OR6K3: variants seen among roughly 807,000 people sequenced by gnomAD.
The protein encoded by OR6K3 is olfactory receptor family 6 subfamily K member 3, also known as olfactory receptor 6K3.
For synonymous variants in OR6K3, 169 were observed against 137.7 expected (o/e 1.23, Z -1.59); for missense variants, 396 against 382.5 (o/e 1.04, Z -0.29).
At position 158,717,434 on chromosome 1, in the gene OR6K3, G is replaced by A. The variant is rs857703; in HGVS notation, c.682C>T (p.Pro228Ser). ...GCCTTTTGCCTCCCTTCAGAAGAGG[G>A]AATCCTCAATATCACAGTGACAATT... is the stretch of plus-strand genomic sequence containing the variant. ...VRIVTVILRI[P>S]SSEGRQKAFS... Residue 228 changes from proline (P) to serine (S), a missense_variant, in exon 2 of 2, where the codon CCC (proline) becomes TCC (serine). By Grantham distance (74) the Pro-to-Ser change is moderately conservative (BLOSUM62 -1). Coordinates refer to ENST00000368145, the MANE Select transcript of OR6K3 (RefSeq NM_001005327.3). 0.37 allele frequency: 589,192 copies of A among 1,613,112 alleles called. 112,162 individuals carry two copies. Among genetic ancestry groups the A allele is most frequent in the East Asian group, 0.41 (18,200 of 44,810 alleles).
Position 158,717,944 on chromosome 1 carries a change from G to A in OR6K3, c.172C>T (p.Pro58Ser), listed in dbSNP as rs767829882. The change falls in exon 2 of 2, where the codon CCC becomes TCC. Residue 58 changes from proline (P) to serine (S), a missense_variant. Coordinates refer to ENST00000368145, the MANE Select transcript of OR6K3 (RefSeq NM_001005327.3). ...AVRLDTHLHNPMYNFISIFSF... is the reference protein window; with the variant it reads ...AVRLDTHLHNSMYNFISIFSF... ...AATATACTGATAAAATTATACATGGGGTTGTGGAGATGGGTGTCCAGCCTT... is the reference window on the plus strand; with the variant it reads ...AATATACTGATAAAATTATACATGGAGTTGTGGAGATGGGTGTCCAGCCTT... The A allele has an allele frequency of 3.1e-6, 5 of 1,613,594 alleles. No individual in the cohort carries two copies. Among genetic ancestry groups the A allele is most frequent in the South Asian group, 1.1e-5 (1 of 91,050 alleles).
At chr1:158,724,134 C>T (rs1262831225), upstream of OR6K3, 1 of 152,530 alleles carries the variant, frequency 6.6e-6, no homozygotes, top group Non-Finnish European at 1.5e-5. Context: ...ATAAATTAAC[C>T]ATCTTCTGAG....
chr1:158,724,635 A>G, upstream of OR6K3: 1 of 236,738 alleles, frequency 4.2e-6, no homozygotes, highest in South Asian at 7.3e-5. Flanking sequence ...CAGAGAGCTG[A>G]ACACAGAGCC....
rs891349680 is a variant in OR6K3 at position 158,718,882 on chromosome 1, A to G, written c.-17-750T>C. On this transcript the variant is annotated intron_variant, in intron 1 of 1. Coordinates refer to ENST00000368145, the MANE Select transcript of OR6K3 (RefSeq NM_001005327.3). ...GCTGTAGGATTTAGTAAATACTTGC[A>G]GAAAGATTTGGACAGTGTTTAATAG... 3.4e-4 allele frequency among the ~76,000 whole-genome samples: 52 copies of G among 152,186 alleles called. 1 individual carries two copies. Among genetic ancestry groups the G allele is most frequent in the Admixed American group, 3.3e-3 (50 of 15,260 alleles).
chr1:158,717,015 G>A lies in OR6K3; in HGVS notation c.*153C>T, dbSNP rs548130188. 145 of 631,558 alleles carry A rather than the reference G, an allele frequency of 2.3e-4. No individual in the cohort carries two copies. Among genetic ancestry groups the A allele is most frequent in the East Asian group, 4.6e-4 (17 of 36,844 alleles). 39.1% of individuals were successfully genotyped at this position (631,558 alleles called of 1,614,324 possible). On this transcript the variant is annotated 3_prime_UTR_variant, in exon 2 of 2. Coordinates refer to ENST00000368145, the MANE Select transcript of OR6K3 (RefSeq NM_001005327.3). Reference sequence around the variant, plus strand: ...TGCCTGTAATCGCGGCTACTAGGGAGGCTGAGGCAGGAGAATTGTTCAAAA... The same window carrying A: ...TGCCTGTAATCGCGGCTACTAGGGAAGCTGAGGCAGGAGAATTGTTCAAAA...
In OR6K3 at chr1:158,717,926, T is replaced by A; in HGVS notation, c.190A>T (p.Ser64Cys). The change falls in exon 2 of 2, where the codon AGT becomes TGT. Residue 64 changes from serine to cysteine, a missense_variant. Coordinates refer to ENST00000368145, the MANE Select transcript of OR6K3 (RefSeq NM_001005327.3). The stretch of plus-strand genomic sequence containing the variant: ...CAGATCTCCAGAAAGGAAAATATAC[T>A]GATAAAATTATACATGGGGTTGTGG... ...HLHNPMYNFI[S>C]IFSFLEIWYT... The A allele has an allele frequency of 6.2e-7, 1 of 1,613,756 alleles. No homozygotes were observed. The highest frequency in any genetic ancestry group is 1.1e-5 in the South Asian group (1 of 91,068).
In OR6K3 at chr1:158,718,107, G is replaced by T; in HGVS notation, c.9C>A (p.Ser3Arg). Residue 3 changes from serine (S) to arginine (R), a missense_variant, in exon 2 of 2, where the codon AGC becomes AGA. By Grantham distance (110) the Ser-to-Arg change is moderately radical. Transcript: ENST00000368145. The part of the protein sequence containing the change: ME[S>R]GNQSTVTEFI... Reference sequence around the variant, plus strand: ...ATTCAGTCACTGTTGATTGGTTTCCGCTCTCCATATTTCTAGTAGAGCTAC... The same window carrying T: ...ATTCAGTCACTGTTGATTGGTTTCCTCTCTCCATATTTCTAGTAGAGCTAC... The T allele has an allele frequency of 6.2e-7, 1 of 1,604,338 alleles. No individual in the cohort carries two copies. Among genetic ancestry groups the T allele is most frequent in the East Asian group, 2.2e-5 (1 of 44,640 alleles).
chr1:158,720,537 C>G (rs1052626386), intron 1 of OR6K3, 146 bp downstream of exon 1: 1 of 151,980 alleles, frequency 6.6e-6, no homozygotes, highest in Admixed American at 6.6e-5. Flanking sequence ...AGAGCTTCCT[C>G]CTGTAAATAC....
chr1:158,718,268 G>A, intron 1 of OR6K3, 136 bp from the exon 2 acceptor site: 1 of 556,190 alleles, frequency 1.8e-6, no homozygotes, highest in South Asian at 2.8e-5. Context: ...TTAAACTCAT[G>A]TACATATTGT....
chr1:158,722,362 TAGTAGCCTCA>T (rs1230874387), upstream of OR6K3, among the ~76,000 whole-genome samples: 1 of 152,050 alleles, frequency 6.6e-6, no homozygotes, highest in Non-Finnish European at 1.5e-5. Context: ...TGTTTTGTTT[TAGTAGCCTCA>T]GTTTACCTGG....
rs1360186107 is a variant in OR6K3 at position 158,717,022 on chromosome 1, G to A, written c.*146C>T. ...AATCGCGGCTACTAGGGAGGCTGAG[G>A]CAGGAGAATTGTTCAAAACCAGGAG... On this transcript the variant is annotated 3_prime_UTR_variant, in exon 2 of 2. Coordinates refer to ENST00000368145, the MANE Select transcript of OR6K3 (RefSeq NM_001005327.3). 1.5e-5 allele frequency: 10 copies of A among 648,440 alleles called. No individual in the cohort carries two copies. The Admixed American group carries it at 2.5e-4, about 16-fold the overall frequency. 40.2% of individuals were successfully genotyped at this position (648,440 alleles called of 1,614,324 possible).
At chr1:158,724,490 C>A, upstream of OR6K3, 1 of 239,586 alleles carries the variant, frequency 4.2e-6, no homozygotes, top group South Asian at 7.6e-5. Context: ...ATGGACGTGT[C>A]TGTACAGGCC....
At chr1:158,724,100 C>T (rs1354495355), upstream of OR6K3, 2 of 152,450 alleles carry the variant, frequency 1.3e-5, no homozygotes, top group East Asian at 1.9e-4. Flanking sequence ...TGAAAGGTGC[C>T]TATGAGCTAG....
In OR6K3 at chr1:158,718,200, T is replaced by C. The variant is rs376690930; in HGVS notation, c.-17-68A>G. On this transcript the variant is annotated intron_variant, in intron 1 of 1. Coordinates refer to ENST00000368145, the MANE Select transcript of OR6K3 (RefSeq NM_001005327.3). ...GAAAAAAATAAATAAGATGTACAGC[T>C]AAACATCTTTGAGAAGTAAGAAGAA... 6 of 821,300 alleles carry C rather than the reference T, an allele frequency of 7.3e-6. No homozygotes were observed. In the African/African-American group the frequency reaches 8.6e-5, roughly 12 times the overall value. The allele number at this position is 821,300 out of a possible 1,614,324, so 50.9% of individuals were successfully genotyped here.
At chr1:158,724,573 A>G, upstream of OR6K3, 1 of 260,866 alleles carries the variant, frequency 3.8e-6, no homozygotes, top group Non-Finnish European at 8.2e-6. Flanking sequence ...CAGTGTGGAA[A>G]TCCATGCAAT....
At position 158,717,807 on chromosome 1, in the gene OR6K3, GA is replaced by G. The variant is rs776782941; in HGVS notation, c.308del (p.Phe103SerfsTer13). 1.2e-6 allele frequency: 2 copies of G among 1,613,714 alleles called. No homozygotes were observed. Among genetic ancestry groups the G allele is most frequent in the African/African-American group, 2.7e-5 (2 of 74,884 alleles). ...SMTGCILQMYFFHSLENSEGI... is the reference protein window; with the variant it reads ...SMTGCILQMYXFHSLENSEGI... ...CCTCTGAGTTTTCAAGTGAGTGGAA[GA>G]AATACATCTGCAAGATGCAGCCAGT... On this transcript the variant is annotated frameshift_variant, in exon 2 of 2. Transcript: ENST00000368145. LOFTEE classifies it low-confidence loss of function (END_TRUNC).
In OR6K3 at chr1:158,719,962, C is replaced by T. The variant is rs181705960; in HGVS notation, c.-18+721G>A. ...ACAGAGGAGAAAACTTAGGCACAGA[C>T]AGGTTAAGTTCTTTGTCCAGAAATT... On this transcript the variant is annotated intron_variant, in intron 1 of 1. Coordinates refer to ENST00000368145, the MANE Select transcript of OR6K3 (RefSeq NM_001005327.3). Among the ~76,000 whole-genome samples the T allele has an allele frequency of 2.3e-4, 35 of 152,112 alleles. No individual in the cohort carries two copies. The East Asian group carries it at 4.5e-3, about 19-fold the overall frequency.
At position 158,716,585 on chromosome 1, in the gene OR6K3, C is replaced by T. The variant is rs1429873205; in HGVS notation, c.*583G>A. 6.6e-6 allele frequency: 1 copy of T among 152,596 alleles called. No individual in the cohort carries two copies. The highest frequency in any genetic ancestry group is 1.5e-5 in the Non-Finnish European group (1 of 68,432). The allele number at this position is 152,596 out of a possible 1,614,324, so 9.5% of individuals were successfully genotyped here. ...GAAGCTCAAGCTCTGTAGTTCTAAC[C>T]CTCTAAAGTGGCAAACAAATTTTCT... On this transcript the variant is annotated 3_prime_UTR_variant, in exon 2 of 2. Transcript: ENST00000368145.
At position 158,717,479 on chromosome 1, in the gene OR6K3, T is replaced by C; in HGVS notation, c.637A>G (p.Ile213Val). The change falls in exon 2 of 2, where the codon ATT (isoleucine) becomes GTT (valine). Residue 213 changes from isoleucine (I) to valine (V), a missense_variant. Transcript: ENST00000368145. ...ACAATTCTTACATAGGACAGGGCAA[T>C]GATTAGGAAGGTAATGATGATGGTC... ...AVTIIITFLI[I>V]ALSYVRIVTV... 6 of 1,613,682 alleles carry C rather than the reference T, an allele frequency of 3.7e-6. No individual in the cohort carries two copies. Among genetic ancestry groups the C allele is most frequent in the African/African-American group, 2.7e-5 (2 of 74,988 alleles).
Sources: gnomAD v4.1 joint callset for allele counts (sites outside exome capture counted in the v4.1 genomes callset) on GRCh38, gnomAD v4.1.1 for gene constraint, MANE v1.5 for transcripts, NCBI Gene and HGNC (gene_info 2026-07-23, HGNC 2026-07-21) for gene names.